The following RIOK1 variants were observed in gnomAD, a reference collection of about 807,000 sequenced individuals.
RIOK1 encodes serine/threonine-protein kinase RIO1.
A neutral mutation model predicts 73.5 loss-of-function variants in RIOK1; 66 were observed. The observed-to-expected ratio is 0.90, with a 90% CI of 0.74 to 1.10. The LOEUF is 1.10. Ranked by LOEUF, RIOK1 falls within the 50% of genes least tolerant of loss-of-function variation. The pLI is 0.00. For synonymous variants in RIOK1, 224 were observed against 226.8 expected (o/e 0.99, Z 0.11); for missense variants, 658 against 699.8 (o/e 0.94, Z 0.67).
intron 6 of RIOK1, among the ~76,000 whole-genome samples, chr6:7,402,314 T>C (rs1318064888): frequency 2.0e-5 from 3 of 152,234 alleles, no homozygotes; most frequent in African/African-American, 7.2e-5. Context: ...ATAGAAAAAG[T>C]ACAGTAAAAA....
intron 3 of RIOK1, among the ~76,000 whole-genome samples, chr6:7,395,704 C>T (rs1761457299): frequency 6.6e-6 from 1 of 150,924 alleles, no homozygotes. Flanking sequence ...ATTGTCTGTT[C>T]GGTTTTAGGT....
chr6:7,408,637 A>G (rs1245566462), intron 12 of RIOK1, among the ~76,000 whole-genome samples: 1 of 152,120 alleles, frequency 6.6e-6, no homozygotes, highest in African/African-American at 2.4e-5. Flanking sequence ...GGCCCATAGT[A>G]GGCAATCACA....
At position 7,410,457 on chromosome 6, in the gene RIOK1, A is replaced by G; in HGVS notation, c.1269+6A>G. On this transcript the variant is annotated splice_donor_region_variant and intron_variant, in intron 13 of 16. Coordinates refer to ENST00000379834, the MANE Select transcript of RIOK1 (RefSeq NM_031480.3). ...AAGATCATGTGGATGAAGAGGTAGG[A>G]TTTATTATCTATTCACAGCCTTTGG... The G allele has an allele frequency of 6.3e-7, 1 of 1,597,456 alleles. No homozygotes were observed. The highest frequency in any genetic ancestry group is 8.6e-7 in the Non-Finnish European group (1 of 1,165,696).
rs1581707077 is a variant in RIOK1, at chr6:7,389,849, C to T, written c.-154C>T. ...TGGCAGGGTGGTGGATCTGTCGGTCCCGTTTTCCCGTCGCACGTGGTGGCC... is the reference window on the plus strand; with the variant it reads ...TGGCAGGGTGGTGGATCTGTCGGTCTCGTTTTCCCGTCGCACGTGGTGGCC... On this transcript the variant is annotated 5_prime_UTR_variant, in exon 1 of 17. Coordinates refer to ENST00000379834, the MANE Select transcript of RIOK1 (RefSeq NM_031480.3). The T allele has an allele frequency of 8.0e-6, 5 of 625,096 alleles. No individual in the cohort carries two copies. The highest frequency in any genetic ancestry group is 1.4e-5 in the Non-Finnish European group (5 of 349,188). The allele number at this position is 625,096 out of a possible 1,614,324, so 38.7% of individuals were successfully genotyped here.
At chr6:7,414,509 T>A in intron 16 of RIOK1, 119 bp downstream of exon 16, 1 of 945,840 alleles carries the variant, frequency 1.1e-6, no homozygotes, top group Non-Finnish European at 1.6e-6. Context: ...TAAGTACCTC[T>A]AATTACAGTT....
At chr6:7,392,408 G>C (rs1399174914) in intron 1 of RIOK1, among the ~76,000 whole-genome samples, 1 of 152,018 alleles carries the variant, frequency 6.6e-6, no homozygotes, top group Admixed American at 6.6e-5. Flanking sequence ...GGATGATTTG[G>C]ATTTCTTTGT....
At chr6:7,399,141 C>G (rs930954885) in intron 5 of RIOK1, among the ~76,000 whole-genome samples, 3 of 152,136 alleles carry the variant, frequency 2.0e-5, no homozygotes, top group African/African-American at 7.2e-5. Context: ...GTTAGGAATC[C>G]TTTGTTTAGA....
rs370657108 is a variant in RIOK1 at position 7,417,248 on chromosome 6, TAAAAAAC to T, written c.1597-63_1597-57del. ...CTGGGCGACAGAGCAAGACCCTGTC[TAAAAAAC>T]AAAAAACAAAAAACAAAAACAAAAA... On this transcript the variant is annotated intron_variant, in intron 16 of 16. Coordinates refer to ENST00000379834, the MANE Select transcript of RIOK1 (RefSeq NM_031480.3). The T allele has an allele frequency of 4.6e-3, 4,089 of 894,412 alleles. 36 individuals are homozygous for T. Among genetic ancestry groups the T allele is most frequent in the African/African-American group, 0.037 (2,137 of 58,242 alleles). 55.4% of individuals were successfully genotyped at this position (894,412 alleles called of 1,614,324 possible). A position where few individuals can be genotyped will look rare whatever the true frequency, so the allele number is the denominator to read the frequency against.
chr6:7,389,977 G>A lies in RIOK1; in HGVS notation c.-26G>A. On this transcript the variant is annotated 5_prime_UTR_variant, in exon 1 of 17. Coordinates refer to ENST00000379834, the MANE Select transcript of RIOK1 (RefSeq NM_031480.3). Reference sequence around the variant, plus strand: ...AGCCGTTCCTTTCCATCGCAGAGCGGCGGCCTCCGGCGGCGCTCTCCAGTC... The same window carrying A: ...AGCCGTTCCTTTCCATCGCAGAGCGACGGCCTCCGGCGGCGCTCTCCAGTC... The A allele has an allele frequency of 6.5e-7, 1 of 1,542,484 alleles. No homozygotes were observed. The highest frequency in any genetic ancestry group is 8.8e-7 in the Non-Finnish European group (1 of 1,140,236).
At chr6:7,394,260 C>T (rs1308371341) in intron 2 of RIOK1, among the ~76,000 whole-genome samples, 1 of 152,148 alleles carries the variant, frequency 6.6e-6, no homozygotes, top group Non-Finnish European at 1.5e-5. Context: ...ATGGCGAAAC[C>T]CTGTCTCTAC....
In RIOK1 at chr6:7,393,090, T is replaced by C; in HGVS notation, c.72-9T>C. The C allele has an allele frequency of 6.2e-7, 1 of 1,610,238 alleles. No individual in the cohort carries two copies. ...TTGTTATGAAATAATAAAACATTGT[T>C]ATTTCTAGTGAAAACAGAGACTTGA... is the stretch of plus-strand genomic sequence containing the variant. On this transcript the variant is annotated splice_polypyrimidine_tract_variant and intron_variant, in intron 1 of 16. Transcript: ENST00000379834.
At chr6:7,401,372 AT>A (rs958373211) in intron 6 of RIOK1, among the ~76,000 whole-genome samples, 3 of 151,950 alleles carry the variant, frequency 2.0e-5, no homozygotes, top group African/African-American at 4.8e-5. Context: ...AGTCTTTCTT[AT>A]TTTTTTCTTT....
intron 14 of RIOK1, 37 bp from the exon 15 acceptor site, chr6:7,412,852 T>C: frequency 1.7e-6 from 2 of 1,192,338 alleles, no homozygotes; most frequent in Non-Finnish European, 2.4e-6. Flanking sequence ...TAGTTTTATG[T>C]TGATCCTTAT....
At position 7,410,394 on chromosome 6, in the gene RIOK1, A is replaced by T. The variant is rs376101720; in HGVS notation, c.1212A>T (p.Glu404Asp). The change falls in exon 13 of 17, where the codon GAA becomes GAT. Residue 404 changes from glutamate to aspartate, a missense_variant. Coordinates refer to ENST00000379834, the MANE Select transcript of RIOK1 (RefSeq NM_031480.3). ...TTTGTTTTCTTTCCAAGGCCATGGAAATAGCATCTCAAAGGACCAAGGAAG... is the reference window on the plus strand; with the variant it reads ...TTTGTTTTCTTTCCAAGGCCATGGATATAGCATCTCAAAGGACCAAGGAAG... ...NMDAYLSKAM[E>D]IASQRTKEER... 6.8e-6 allele frequency: 11 copies of T among 1,611,564 alleles called. No individual in the cohort carries two copies. In the African/African-American group the frequency reaches 1.2e-4, roughly 18 times the overall value.
chr6:7,400,633 A>G (rs1315454408), intron 5 of RIOK1, among the ~76,000 whole-genome samples: 3 of 152,226 alleles, frequency 2.0e-5, no homozygotes, highest in Non-Finnish European at 2.9e-5. Flanking sequence ...AGTGACTAGA[A>G]CAATGTAATA....
At chr6:7,399,379 G>C (rs781034787) in intron 5 of RIOK1, among the ~76,000 whole-genome samples, 1 of 152,042 alleles carries the variant, frequency 6.6e-6, no homozygotes, top group Admixed American at 6.6e-5. Flanking sequence ...GACAGAAGCC[G>C]GGTCTGTGGT....
intron 10 of RIOK1, 122 bp from the exon 11 acceptor site, chr6:7,404,796 C>A: frequency 1.1e-6 from 1 of 936,608 alleles, no homozygotes; most frequent in Non-Finnish European, 1.6e-6. Flanking sequence ...AAGATTGCCT[C>A]ATCTTATCTA....
At chr6:7,396,089 A>G (rs1761466956) in intron 3 of RIOK1, among the ~76,000 whole-genome samples, 1 of 152,150 alleles carries the variant, frequency 6.6e-6, no homozygotes, top group African/African-American at 2.4e-5. Context: ...ATACGGTTTC[A>G]CTAGAGGTTT....
chr6:7,396,439 CTT>C (rs1761477307), intron 3 of RIOK1, among the ~76,000 whole-genome samples: 1 of 152,142 alleles, frequency 6.6e-6, no homozygotes, highest in South Asian at 2.1e-4. Context: ...AAATTATTAT[CTT>C]TGAAGAATTT....
Sources: allele counts gnomAD v4.1 joint callset (sites outside exome capture counted in the v4.1 genomes callset), GRCh38; gene constraint gnomAD v4.1.1; transcripts MANE v1.5; gene names NCBI Gene and HGNC (gene_info 2026-07-23, HGNC 2026-07-21).